Variants in ATF1 observed in about 807,000 individuals in gnomAD.
The protein encoded by ATF1 is cyclic AMP-dependent transcription factor ATF-1.
Under a neutral mutation model 34.7 loss-of-function variants are expected in ATF1, and 16 were observed. The observed-to-expected ratio is 0.46, with a 90% CI of 0.31 to 0.70. The LOEUF (loss-of-function observed/expected upper bound fraction) is 0.70. ATF1 is among the 30% of genes least tolerant of loss of function. The probability of loss-of-function intolerance (pLI) is 0.05; values close to 1 mark genes in which losing one functional copy is unlikely to be tolerated. For synonymous variants in ATF1, 105 were observed against 113.1 expected (o/e 0.93, Z 0.46); for missense variants, 255 against 321.6 (o/e 0.79, Z 1.58).
chr12:50,785,672 G>A (rs1565906005), intron 2 of ATF1, among the ~76,000 whole-genome samples: 1 of 152,096 alleles, frequency 6.6e-6, no homozygotes, highest in Non-Finnish European at 1.5e-5. Flanking sequence ...TACTTCCAAG[G>A]TCACTTAGTT....
At chr12:50,776,322 GA>G (rs201546779) in intron 1 of ATF1, among the ~76,000 whole-genome samples, 4 of 144,198 alleles carry the variant, frequency 2.8e-5, no homozygotes, top group African/African-American at 5.1e-5. Flanking sequence ...TCTCAAAAAA[GA>G]AAAAAAAAAT....
chr12:50,776,646 T>A (rs938016271), intron 1 of ATF1, among the ~76,000 whole-genome samples: 26 of 152,050 alleles, frequency 1.7e-4, no homozygotes, highest in African/African-American at 4.3e-4. Flanking sequence ...TTTAAAAAAA[T>A]TTCTATTGCT....
chr12:50,771,962 C>T (rs953556587), intron 1 of ATF1, among the ~76,000 whole-genome samples: 7 of 152,186 alleles, frequency 4.6e-5, no homozygotes, highest in South Asian at 2.1e-4. Flanking sequence ...AGCATATCAT[C>T]GACAAATAAC....
intron 1 of ATF1, among the ~76,000 whole-genome samples, chr12:50,769,418 C>T (rs978755160): frequency 5.3e-5 from 8 of 151,784 alleles, no homozygotes; most frequent in Non-Finnish European, 5.9e-5. Context: ...GCAGGAGAAG[C>T]GCTTGAACCT....
intron 1 of ATF1, among the ~76,000 whole-genome samples, chr12:50,778,052 G>T (rs1176912371): frequency 6.6e-6 from 1 of 151,156 alleles, no homozygotes; most frequent in African/African-American, 2.4e-5. Context: ...GAGTAGCTGA[G>T]ACTACAGGGG....
Position 50,798,457 on chromosome 12 carries a change from C to T in ATF1, c.194+2448C>T, listed in dbSNP as rs960780948. 5.3e-5 allele frequency among the ~76,000 whole-genome samples: 8 copies of T among 151,710 alleles called. No individual in the cohort carries two copies. The South Asian group carries it at 1.0e-3, about 20-fold the overall frequency. On this transcript the variant is annotated intron_variant, in intron 3 of 6. Transcript: ENST00000262053. ...CCGAGTAGCTGGGACTACAGGCGCC[C>T]GCCACCACACCTGGCTAATTTTTTG... is the stretch of plus-strand genomic sequence containing the variant.
chr12:50,765,883 C>G (rs1297761711), intron 1 of ATF1, among the ~76,000 whole-genome samples: 3 of 152,150 alleles, frequency 2.0e-5, no homozygotes, highest in African/African-American at 7.2e-5. Flanking sequence ...CCTTGTTTAG[C>G]CTATCATTGA....
At chr12:50,803,184 G>T (rs755310066) in intron 3 of ATF1, among the ~76,000 whole-genome samples, 11 of 151,600 alleles carry the variant, frequency 7.3e-5, no homozygotes, top group Admixed American at 5.9e-4. Context: ...CAGGAGAATC[G>T]CTTGAACTGG....
chr12:50,815,034 A>T (rs1040407288), intron 6 of ATF1, among the ~76,000 whole-genome samples: 3 of 152,044 alleles, frequency 2.0e-5, no homozygotes, highest in African/African-American at 4.8e-5. Context: ...AGGCAGGAGA[A>T]TGGCATGAAT....
At chr12:50,776,051 G>A (rs1048364299) in intron 1 of ATF1, among the ~76,000 whole-genome samples, 2 of 152,084 alleles carry the variant, frequency 1.3e-5, no homozygotes, top group South Asian at 2.1e-4. Flanking sequence ...GGTGGCTCAC[G>A]CCTGTAATGC....
chr12:50,792,604 T>C (rs1231510222), intron 2 of ATF1, among the ~76,000 whole-genome samples: 1 of 23,086 alleles, frequency 4.3e-5, no homozygotes, highest in Non-Finnish European at 3.4e-4. Flanking sequence ...TTGCTGTACC[T>C]ATAATATATA....
chr12:50,789,110 G>A (rs555989506), intron 2 of ATF1, among the ~76,000 whole-genome samples: 1 of 150,672 alleles, frequency 6.6e-6, no homozygotes, highest in East Asian at 2.0e-4. Context: ...ACAGAGTCTT[G>A]CTCTGTTGCC....
intron 6 of ATF1, among the ~76,000 whole-genome samples, 164 bp downstream of exon 6, chr12:50,814,603 G>C (rs1018769903): frequency 2.0e-5 from 3 of 151,988 alleles, no homozygotes; most frequent in Admixed American, 6.6e-5. Context: ...AATTATAATG[G>C]AGCTAAAAAG....
At chr12:50,763,898 C>T (rs181476506), upstream of ATF1, among the ~76,000 whole-genome samples, 1,582 of 152,240 alleles carry the variant, frequency 0.01, 28 homozygotes, top group African/African-American at 0.036. Flanking sequence ...GCCTGAGGAA[C>T]GCGTTCCGAG....
intron 4 of ATF1, 54 bp downstream of exon 4, chr12:50,809,643 G>A: frequency 1.3e-6 from 2 of 1,517,232 alleles, no homozygotes; most frequent in South Asian, 1.3e-5. Flanking sequence ...TGACTTTTCT[G>A]TAGAAAGAAA....
chr12:50,786,893 T>C (rs1387709836), intron 2 of ATF1, among the ~76,000 whole-genome samples: 1 of 152,140 alleles, frequency 6.6e-6, no homozygotes, highest in Non-Finnish European at 1.5e-5. Flanking sequence ...AGAGCCTCTT[T>C]GGGGCAGATG....
intron 2 of ATF1, among the ~76,000 whole-genome samples, chr12:50,791,699 T>A (rs1941305703): frequency 6.6e-6 from 1 of 152,150 alleles, no homozygotes; most frequent in Admixed American, 6.5e-5. Flanking sequence ...AGAGTAATGG[T>A]ATGGACCAGA....
intron 2 of ATF1, chr12:50,788,343 C>CT (rs1592181244): frequency 2.7e-6 from 1 of 377,046 alleles, no homozygotes. Flanking sequence ...CCATCACATC[C>CT]GGCTAAACTT....
At chr12:50,809,320 G>T (rs1302367859) in intron 3 of ATF1, 136 bp from the exon 4 acceptor site, 1 of 719,248 alleles carries the variant, frequency 1.4e-6, no homozygotes, top group African/African-American at 1.9e-5. Context: ...GTTGCAGTGA[G>T]CCATGATGGC....
Sources: gnomAD v4.1 joint callset for allele counts (sites outside exome capture counted in the v4.1 genomes callset) on GRCh38, gnomAD v4.1.1 for gene constraint, MANE v1.5 for transcripts, NCBI Gene and HGNC (gene_info 2026-07-23, HGNC 2026-07-21) for gene names.